ARHGAP32: variants seen among roughly 807,000 people sequenced by gnomAD.
ARHGAP32 encodes rho GTPase-activating protein 32.
ARHGAP32 carries 51 observed loss-of-function variants against 186.5 expected under a neutral mutation model. The observed-to-expected ratio is 0.27, with a 90% confidence interval of 0.22 to 0.35. The LOEUF (loss-of-function observed/expected upper bound fraction) is 0.35. Ranked by LOEUF, ARHGAP32 falls within the 10% of genes least tolerant of loss-of-function variation. ARHGAP32 has a pLI of 1.00. For missense variants in ARHGAP32, 2,186 were observed against 2,623.5 expected, an observed-to-expected ratio of 0.83 and a Z score of 3.64; for synonymous variants, 950 against 964.3, an observed-to-expected ratio of 0.99 and a Z score of 0.27.
intron 6 of ARHGAP32, among the ~76,000 whole-genome samples, chr11:129,086,787 C>G (rs1449889372): frequency 4.1e-5 from 6 of 146,958 alleles, no homozygotes; most frequent in Non-Finnish European, 8.9e-5. Flanking sequence ...CGCCACTGCA[C>G]TCCAGCCTGG....
chr11:129,002,872 G>A (rs560217403), intron 11 of ARHGAP32, among the ~76,000 whole-genome samples: 40 of 142,800 alleles, frequency 2.8e-4, no homozygotes, highest in African/African-American at 7.0e-4. Flanking sequence ...GCAGTGGCGC[G>A]ATCTCGGCTC....
chr11:129,067,578 C>T (rs1217342261), intron 6 of ARHGAP32, among the ~76,000 whole-genome samples: 1 of 152,074 alleles, frequency 6.6e-6, no homozygotes, highest in South Asian at 2.1e-4. Flanking sequence ...TCCTCCCCTG[C>T]ACCCCCAACT....
chr11:129,009,713 CT>C (rs1459075761), intron 11 of ARHGAP32, among the ~76,000 whole-genome samples: 1 of 151,978 alleles, frequency 6.6e-6, no homozygotes, highest in African/African-American at 2.4e-5. Flanking sequence ...ATATGTATCC[CT>C]TTTTTTTAAT....
chr11:128,972,843 G>A lies in ARHGAP32; in HGVS notation c.3663C>T (p.Phe1221=), dbSNP rs1459671360. Residue 1221 remains phenylalanine (F), a synonymous_variant, in exon 22 of 23, where the codon TTC becomes TTT. Coordinates refer to ENST00000682385, the MANE Select transcript of ARHGAP32 (RefSeq NM_001378024.1). ...AAGAAGGAGGCTGATCTCCACTGTAGAAACGGGGTGGAGACTGGTCCTGAT... is the reference window on the plus strand; with the variant it reads ...AAGAAGGAGGCTGATCTCCACTGTAAAAACGGGGTGGAGACTGGTCCTGAT... ...FLDQDQSPPR[F]YSGDQPPSYL... is the part of the protein sequence containing the mutation. The A allele has an allele frequency of 6.2e-7, 1 of 1,614,026 alleles. No homozygotes were observed.
intron 1 of ARHGAP32, 72 bp downstream of exon 1, chr11:129,192,011 C>T: frequency 8.9e-7 from 1 of 1,123,720 alleles, no homozygotes; most frequent in Non-Finnish European, 1.3e-6. Context: ...GACCGAAATG[C>T]AGAGAAGAAA....
At chr11:129,016,731 G>A (rs953183805) in intron 11 of ARHGAP32, among the ~76,000 whole-genome samples, 2 of 152,208 alleles carry the variant, frequency 1.3e-5, no homozygotes, top group African/African-American at 2.4e-5. Context: ...GAATCAGCTT[G>A]TCAAATTAGA....
At chr11:129,105,703 T>C (rs1323332740) in intron 5 of ARHGAP32, among the ~76,000 whole-genome samples, 1 of 152,020 alleles carries the variant, frequency 6.6e-6, no homozygotes, top group Non-Finnish European at 1.5e-5. Flanking sequence ...GTTACTACAC[T>C]ATAATATTCA....
intron 5 of ARHGAP32, among the ~76,000 whole-genome samples, chr11:129,115,489 T>A (rs2135355042): frequency 6.6e-6 from 1 of 152,110 alleles, no homozygotes; most frequent in East Asian, 1.9e-4. Context: ...GTAACCGATG[T>A]GCTCATCTTT....
chr11:129,154,350 T>C (rs1409266882), intron 2 of ARHGAP32, among the ~76,000 whole-genome samples: 1 of 152,146 alleles, frequency 6.6e-6, no homozygotes, highest in Non-Finnish European at 1.5e-5. Context: ...AAGGCAGAAC[T>C]ACCATATGAT....
chr11:129,217,629 G>A (rs1479557765), intron 1 of ARHGAP32, among the ~76,000 whole-genome samples: 2 of 151,972 alleles, frequency 1.3e-5, no homozygotes, highest in African/African-American at 4.8e-5. Context: ...ACCTCCTCTA[G>A]AAAAATATAC....
intron 15 of ARHGAP32, 60 bp from the exon 16 acceptor site, chr11:128,981,996 A>C: frequency 9.5e-7 from 1 of 1,048,496 alleles, no homozygotes; most frequent in Non-Finnish European, 1.4e-6. Context: ...ATAGAACATA[A>C]AAGCCTGCTA....
chr11:128,975,107 A>C, intron 20 of ARHGAP32, 105 bp from the exon 21 acceptor site: 2 of 890,642 alleles, frequency 2.2e-6, no homozygotes, highest in Non-Finnish European at 3.4e-6. Flanking sequence ...TAGGTGAAGG[A>C]AGTGTTACTT....
chr11:128,998,546 CA>C, intron 11 of ARHGAP32, 78 bp from the exon 12 acceptor site: 1 of 1,129,144 alleles, frequency 8.9e-7, no homozygotes, highest in Non-Finnish European at 1.2e-6. Context: ...AAACATATCT[CA>C]AGAGGCTGAC....
At chr11:128,992,824 A>T (rs1342842796) in intron 12 of ARHGAP32, among the ~76,000 whole-genome samples, 1 of 152,174 alleles carries the variant, frequency 6.6e-6, no homozygotes, top group Non-Finnish European at 1.5e-5. Context: ...AAAGTAAATG[A>T]CAAATCAGTA....
intron 10 of ARHGAP32, among the ~76,000 whole-genome samples, chr11:129,061,725 G>T (rs1940511982): frequency 6.6e-6 from 1 of 151,994 alleles, no homozygotes; most frequent in Non-Finnish European, 1.5e-5. Flanking sequence ...TAAAATTTAT[G>T]AATTATTTAT....
At chr11:129,213,559 A>T (rs1944608876) in intron 1 of ARHGAP32, among the ~76,000 whole-genome samples, 1 of 152,164 alleles carries the variant, frequency 6.6e-6, no homozygotes, top group Middle Eastern at 3.2e-3. Context: ...GGCCAATCTC[A>T]ATTACAGTAA....
intron 2 of ARHGAP32, among the ~76,000 whole-genome samples, chr11:129,161,982 T>A (rs1943539778): frequency 6.6e-6 from 1 of 152,198 alleles, no homozygotes; most frequent in Non-Finnish European, 1.5e-5. Flanking sequence ...AAAGATGAGT[T>A]CTTGTCCTTT....
At chr11:129,178,058 A>C (rs1943960248) in intron 1 of ARHGAP32, among the ~76,000 whole-genome samples, 1 of 150,604 alleles carries the variant, frequency 6.6e-6, no homozygotes, top group East Asian at 1.9e-4. Context: ...GTCTCAGCCC[A>C]AAATCTCCTT....
intron 1 of ARHGAP32, among the ~76,000 whole-genome samples, chr11:129,232,778 C>T (rs1422961389): frequency 6.6e-6 from 1 of 152,178 alleles, no homozygotes; most frequent in African/African-American, 2.4e-5. Flanking sequence ...TGCTTAGACA[C>T]TGGCATCACA....
Sources: allele counts gnomAD v4.1 joint callset (sites outside exome capture counted in the v4.1 genomes callset), GRCh38; gene constraint gnomAD v4.1.1; transcripts MANE v1.5; gene names NCBI Gene and HGNC (gene_info 2026-07-23, HGNC 2026-07-21).